The following HACE1 variants were observed in gnomAD, a reference collection of about 807,000 sequenced individuals.
HACE1 encodes the protein HECT domain and ankyrin repeat containing E3 ubiquitin protein ligase 1.
HACE1 carries 73 observed loss-of-function variants against 118.4 expected under a neutral mutation model. The observed-to-expected ratio is 0.62, with a 90% CI of 0.51 to 0.75. The LOEUF (loss-of-function observed/expected upper bound fraction) is 0.75. Among genes scored for constraint, HACE1 ranks in the 30% least tolerant of loss-of-function variants. The probability of loss-of-function intolerance (pLI) is 0.00; values close to 1 mark genes in which losing one functional copy is unlikely to be tolerated. For synonymous variants in HACE1, 368 were observed against 374.8 expected, an observed-to-expected ratio of 0.98 and a Z score of 0.21; for missense variants, 749 against 1,102.2, an observed-to-expected ratio of 0.68 and a Z score of 4.54.
Position 104,819,308 on chromosome 6 carries a change from A to T in HACE1, c.535-7915T>A, listed in dbSNP as rs368907273. Among the ~76,000 whole-genome samples, 49 of 152,262 alleles carry T rather than the reference A, an allele frequency of 3.2e-4. 1 individual carries two copies. Among genetic ancestry groups the T allele is most frequent in the East Asian group, 7.7e-4 (4 of 5,180 alleles). On this transcript the variant is annotated intron_variant, in intron 6 of 23. Coordinates refer to ENST00000262903, the MANE Select transcript of HACE1 (RefSeq NM_020771.4). ...CACAACTGCCACAAAAAGAATTAAA[A>T]ACCTAGGAATACAACTAAGTAGGGA...
chr6:104,761,723 C>T (rs1258977321), intron 19 of HACE1, among the ~76,000 whole-genome samples: 1 of 152,134 alleles, frequency 6.6e-6, no homozygotes, highest in East Asian at 1.9e-4. Flanking sequence ...TAAAGAGCTT[C>T]TGTACAGCAA....
intron 19 of HACE1, among the ~76,000 whole-genome samples, chr6:104,767,873 T>G (rs929348233): frequency 1.3e-5 from 2 of 152,182 alleles, no homozygotes; most frequent in Non-Finnish European, 2.9e-5. Flanking sequence ...ATCCATTCCC[T>G]GATACCTGCC....
chr6:104,841,779 CTT>C lies in HACE1; in HGVS notation c.402+1442_402+1443del, dbSNP rs988342491. Among the ~76,000 whole-genome samples the C allele has an allele frequency of 5.3e-5, 8 of 152,024 alleles. No homozygotes were observed. In the East Asian group the frequency reaches 1.2e-3, roughly 22 times the overall value. On this transcript the variant is annotated intron_variant, in intron 5 of 23. Coordinates refer to ENST00000262903, the MANE Select transcript of HACE1 (RefSeq NM_020771.4). ...GGAATGTATAATTTAATAAATAAAA[CTT>C]AACATTTTCTGCCATGATTTCAAAA...
Position 104,771,239 on chromosome 6 carries a change from G to A in HACE1, c.2165C>T (p.Pro722Leu), listed in dbSNP as rs1780570785. The change falls in exon 19 of 24, where the codon CCT (proline) becomes CTT (leucine). Residue 722 changes from proline to leucine, a missense_variant. Transcript: ENST00000262903. ...TDVFGAMEEV[P>L]LKPGGGSILV... is the part of the protein sequence containing the mutation. ...AATACTCCCACCCCCAGGTTTCAAA[G>A]GCACCTCTTCCATTGCTCCAAACAC... 1 of 1,613,540 alleles carries A rather than the reference G, an allele frequency of 6.2e-7. No homozygotes were observed. Among genetic ancestry groups the A allele is most frequent in the Non-Finnish European group, 8.5e-7 (1 of 1,179,684 alleles).
At chr6:104,857,321 A>T (rs1042440987) in intron 1 of HACE1, among the ~76,000 whole-genome samples, 3 of 151,542 alleles carry the variant, frequency 2.0e-5, no homozygotes, top group Non-Finnish European at 4.4e-5. Context: ...CAAAATGAAC[A>T]TTATAATCAA....
intron 22 of HACE1, among the ~76,000 whole-genome samples, chr6:104,743,526 C>T (rs1777063690): frequency 6.6e-6 from 1 of 151,798 alleles, no homozygotes. Flanking sequence ...ACTACATTTT[C>T]ATAAATAGAA....
intron 7 of HACE1, among the ~76,000 whole-genome samples, chr6:104,797,978 G>T (rs1433599399): frequency 6.6e-6 from 1 of 150,850 alleles, no homozygotes; most frequent in Non-Finnish European, 1.5e-5. Context: ...TAAGGCAGGA[G>T]AATCACTTGA....
At chr6:104,806,716 T>A (rs1771038647) in intron 7 of HACE1, among the ~76,000 whole-genome samples, 1 of 152,180 alleles carries the variant, frequency 6.6e-6, no homozygotes, top group Non-Finnish European at 1.5e-5. Flanking sequence ...CTCAATTTTT[T>A]AATATTGATT....
intron 22 of HACE1, among the ~76,000 whole-genome samples, chr6:104,737,595 C>A (rs569376486): frequency 1.3e-5 from 2 of 152,132 alleles, no homozygotes; most frequent in Admixed American, 1.3e-4. Context: ...CGGGTCACTC[C>A]CACCCGAATA....
At chr6:104,737,675 C>G (rs6933045) in intron 22 of HACE1, among the ~76,000 whole-genome samples, 27,925 of 152,132 alleles carry the variant, frequency 0.18, 2,601 homozygotes, top group East Asian at 0.26. Context: ...CTCGGAGGGT[C>G]CTACCCCACG....
At chr6:104,756,397 G>C (rs9499951) in intron 19 of HACE1, among the ~76,000 whole-genome samples, 4,883 of 127,024 alleles carry the variant, frequency 0.038, 271 homozygotes, top group African/African-American at 0.14. Context: ...GAGTGACAGA[G>C]CCAGATTCCA....
chr6:104,828,700 G>A (rs890424861), intron 6 of HACE1, among the ~76,000 whole-genome samples: 1 of 151,968 alleles, frequency 6.6e-6, no homozygotes, highest in East Asian at 1.9e-4. Flanking sequence ...AGAGGAAAAT[G>A]AGACCTTTAT....
intron 3 of HACE1, 142 bp from the exon 4 acceptor site, chr6:104,849,388 G>A (rs989393685): frequency 4.4e-6 from 3 of 686,800 alleles, no homozygotes; most frequent in East Asian, 5.5e-5. Context: ...CCATGCTGGA[G>A]TGCAGTGGCA....
At chr6:104,796,417 G>C (rs1228257451) in intron 9 of HACE1, among the ~76,000 whole-genome samples, 1 of 152,090 alleles carries the variant, frequency 6.6e-6, no homozygotes, top group African/African-American at 2.4e-5. Context: ...GCCTATTCTA[G>C]TTATCTTAAG....
chr6:104,849,949 CTTTTT>C (rs35012688), intron 3 of HACE1, among the ~76,000 whole-genome samples: 2 of 121,058 alleles, frequency 1.7e-5, no homozygotes, highest in Non-Finnish European at 3.5e-5. Context: ...CACGCCCGTC[CTTTTT>C]TTTTTTTTTT....
At chr6:104,762,372 A>C (rs1214071347) in intron 19 of HACE1, among the ~76,000 whole-genome samples, 1 of 152,220 alleles carries the variant, frequency 6.6e-6, no homozygotes, top group African/African-American at 2.4e-5. Context: ...TGCAGCCATA[A>C]AAAATGGTGA....
chr6:104,770,978 T>C (rs1228081109), intron 19 of HACE1, among the ~76,000 whole-genome samples: 4 of 152,226 alleles, frequency 2.6e-5, no homozygotes, highest in Non-Finnish European at 5.9e-5. Context: ...CTCGATTTTT[T>C]AGGAACCAAC....
intron 7 of HACE1, 130 bp from the exon 8 acceptor site, chr6:104,797,155 A>G (rs566955524): frequency 3.2e-6 from 2 of 633,846 alleles, no homozygotes; most frequent in Non-Finnish European, 5.6e-6. Context: ...TATGAAATAC[A>G]TCTTCATAAT....
At chr6:104,845,331 A>G (rs921643512) in intron 4 of HACE1, among the ~76,000 whole-genome samples, 1 of 152,124 alleles carries the variant, frequency 6.6e-6, no homozygotes, top group Admixed American at 6.5e-5. Flanking sequence ...CAATAGCTAA[A>G]ATTCTCATTG....
Sources: gnomAD v4.1 joint callset for allele counts (sites outside exome capture counted in the v4.1 genomes callset) on GRCh38, gnomAD v4.1.1 for gene constraint, MANE v1.5 for transcripts, NCBI Gene and HGNC (gene_info 2026-07-23, HGNC 2026-07-21) for gene names.